Variants in DCC observed in about 807,000 individuals in gnomAD.
DCC encodes the protein DCC netrin 1 receptor.
DCC carries 58 observed loss-of-function variants against 172.5 expected under a neutral mutation model. The observed-to-expected ratio is 0.34, with a 90% CI of 0.27 to 0.42. The LOEUF (loss-of-function observed/expected upper bound fraction) is 0.42, where lower values mean the gene tolerates loss of function less well. Among genes scored for constraint, DCC ranks in the 10% least tolerant of loss-of-function variants. The probability of loss-of-function intolerance (pLI) is 1.00; values close to 1 mark genes in which losing one functional copy is unlikely to be tolerated. For synonymous variants in DCC, 709 were observed against 644.5 expected, an observed-to-expected ratio of 1.10 and a Z score of -1.52; for missense variants, 1,740 against 1,791.0, an observed-to-expected ratio of 0.97 and a Z score of 0.51.
At chr18:53,101,475 T>C (rs1032166232) in intron 7 of DCC, among the ~76,000 whole-genome samples, 6 of 152,068 alleles carry the variant, frequency 3.9e-5, no homozygotes, top group African/African-American at 1.2e-4. Flanking sequence ...AAAATATTTT[T>C]AGGCCTGAAA....
At chr18:53,032,354 T>G (rs2143964517) in intron 5 of DCC, among the ~76,000 whole-genome samples, 1 of 152,290 alleles carries the variant, frequency 6.6e-6, no homozygotes, top group South Asian at 2.1e-4. Context: ...TGTATGTATT[T>G]CTCATTTGAT....
intron 2 of DCC, among the ~76,000 whole-genome samples, chr18:52,828,160 C>T (rs2038546795): frequency 6.6e-6 from 1 of 152,146 alleles, no homozygotes; most frequent in Non-Finnish European, 1.5e-5. Flanking sequence ...AGTTCATACT[C>T]TACATACTAC....
rs375539353 is a variant in DCC at position 52,929,235 on chromosome 18, C to T, written c.985+3865C>T. ...CATTTTAGCACAGAAAGATAAGTGG[C>T]TATCCCAAGGGGGGATCCAGATCCA... On this transcript the variant is annotated intron_variant, in intron 5 of 28. Transcript: ENST00000442544. 1.1e-4 allele frequency among the ~76,000 whole-genome samples: 16 copies of T among 152,238 alleles called. No individual in the cohort carries two copies. The East Asian group carries it at 2.9e-3, about 28-fold the overall frequency.
At chr18:52,846,556 T>G (rs1274156468) in intron 2 of DCC, among the ~76,000 whole-genome samples, 1 of 142,968 alleles carries the variant, frequency 7.0e-6, no homozygotes, top group Non-Finnish European at 1.5e-5. Context: ...AAAAAAAAAT[T>G]CAGATTTAAC....
At chr18:52,994,447 G>C (rs2041447250) in intron 5 of DCC, among the ~76,000 whole-genome samples, 1 of 152,058 alleles carries the variant, frequency 6.6e-6, no homozygotes, top group Non-Finnish European at 1.5e-5. Flanking sequence ...CAAATAAATT[G>C]AGGAATTCAT....
intron 1 of DCC, among the ~76,000 whole-genome samples, chr18:52,500,607 G>C (rs912797309): frequency 1.3e-5 from 2 of 152,028 alleles, no homozygotes; most frequent in African/African-American, 2.4e-5. Flanking sequence ...TCCCTACCTT[G>C]TCTTTCCGTG....
chr18:52,507,873 G>T (rs2144640653), intron 1 of DCC, among the ~76,000 whole-genome samples: 1 of 152,230 alleles, frequency 6.6e-6, no homozygotes, highest in African/African-American at 2.4e-5. Flanking sequence ...GGCCGAGGCA[G>T]GTGGATCACC....
chr18:52,980,944 A>ATTT (rs35143538), intron 5 of DCC, among the ~76,000 whole-genome samples: 19,933 of 145,534 alleles, frequency 0.14, 1,560 homozygotes, highest in East Asian at 0.32. Context: ...ACATACTGCT[A>ATTT]TTTTTTTTTT....
intron 15 of DCC, among the ~76,000 whole-genome samples, chr18:53,361,024 G>C (rs2057939107): frequency 6.6e-6 from 1 of 152,112 alleles, no homozygotes; most frequent in Non-Finnish European, 1.5e-5. Context: ...AGGAAGTCTA[G>C]ATGAGATCAT....
intron 5 of DCC, among the ~76,000 whole-genome samples, chr18:52,930,386 A>G (rs2040290174): frequency 6.6e-6 from 1 of 152,142 alleles, no homozygotes; most frequent in Non-Finnish European, 1.5e-5. Flanking sequence ...TGAGCCTAGG[A>G]GCTCTAGTCC....
At chr18:52,495,229 C>G (rs746676776) in intron 1 of DCC, among the ~76,000 whole-genome samples, 67 of 152,218 alleles carry the variant, frequency 4.4e-4, no homozygotes, top group Non-Finnish European at 7.6e-4. Context: ...CAGAATCTGG[C>G]ATGTGTGTTG....
At chr18:53,464,536 A>C (rs2045595551) in intron 24 of DCC, among the ~76,000 whole-genome samples, 1 of 152,176 alleles carries the variant, frequency 6.6e-6, no homozygotes, top group South Asian at 2.1e-4. Flanking sequence ...TACTACCAAA[A>C]AATTTTATGC....
intron 2 of DCC, among the ~76,000 whole-genome samples, chr18:52,852,416 G>A (rs1003187114): frequency 6.6e-6 from 1 of 152,042 alleles, no homozygotes; most frequent in African/African-American, 2.4e-5. Flanking sequence ...AACTGCATTT[G>A]CAGCAAATCA....
chr18:52,714,709 T>C (rs893996037), intron 1 of DCC, among the ~76,000 whole-genome samples: 3 of 152,204 alleles, frequency 2.0e-5, no homozygotes, highest in African/African-American at 4.8e-5. Context: ...ATTAAAAGGA[T>C]TCAATGATTG....
chr18:53,363,084 G>C (rs1235604014), intron 15 of DCC, among the ~76,000 whole-genome samples: 1 of 152,086 alleles, frequency 6.6e-6, no homozygotes, highest in Non-Finnish European at 1.5e-5. Context: ...AAGGTTTAAG[G>C]GACTTGTACC....
At chr18:52,658,833 T>C (rs2035303997) in intron 1 of DCC, among the ~76,000 whole-genome samples, 1 of 152,196 alleles carries the variant, frequency 6.6e-6, no homozygotes, top group African/African-American at 2.4e-5. Flanking sequence ...TTTCTGTTGA[T>C]ATTTAAATTT....
intron 27 of DCC, among the ~76,000 whole-genome samples, chr18:53,501,717 T>C (rs1305618036): frequency 6.6e-6 from 1 of 152,220 alleles, no homozygotes; most frequent in East Asian, 1.9e-4. Context: ...TGGAGGCTAC[T>C]ATGGCTACTT....
chr18:52,519,503 T>C (rs964619516), intron 1 of DCC, among the ~76,000 whole-genome samples: 3 of 152,218 alleles, frequency 2.0e-5, no homozygotes, highest in African/African-American at 7.2e-5. Context: ...TCATTTCCAC[T>C]AGCTTTACTA....
At chr18:52,791,104 G>C (rs2037757942) in intron 2 of DCC, among the ~76,000 whole-genome samples, 1 of 152,154 alleles carries the variant, frequency 6.6e-6, no homozygotes. Flanking sequence ...GAATGAAAGG[G>C]CCAGGATGCT....
Sources: gnomAD v4.1 joint callset for allele counts (sites outside exome capture counted in the v4.1 genomes callset) on GRCh38, gnomAD v4.1.1 for gene constraint, MANE v1.5 for transcripts, NCBI Gene and HGNC (gene_info 2026-07-23, HGNC 2026-07-21) for gene names.